Variants in GRTP1 observed in about 807,000 individuals in gnomAD.
GRTP1 encodes growth hormone-regulated TBC protein 1.
Under a neutral mutation model 38.1 loss-of-function variants are expected in GRTP1, and 56 were observed. The observed-to-expected ratio is 1.47, with a 90% CI of 1.19 to 1.84. The LOEUF (loss-of-function observed/expected upper bound fraction) is 1.84, where lower values mean the gene tolerates loss of function less well. Ranked by LOEUF, GRTP1 falls within the 40% of genes most tolerant of loss-of-function variation. The probability of loss-of-function intolerance (pLI) is 0.00; values close to 1 mark genes in which losing one functional copy is unlikely to be tolerated. For missense variants in GRTP1, 506 were observed against 453.9 expected (o/e 1.11, Z -1.04); for synonymous variants, 217 against 189.5 (o/e 1.14, Z -1.19).
intron 2 of GRTP1, among the ~76,000 whole-genome samples, chr13:113,356,486 T>C (rs1468732930): frequency 1.3e-5 from 2 of 152,166 alleles, no homozygotes; most frequent in African/African-American, 4.8e-5. Flanking sequence ...CAGGATGGTC[T>C]TGAACTCTTG....
At position 113,355,431 on chromosome 13, in the gene GRTP1, A is replaced by G; in HGVS notation, c.232T>C (p.Trp78Arg). 6.2e-7 allele frequency: 1 copy of G among 1,614,002 alleles called. No individual in the cohort carries two copies. Residue 78 changes from tryptophan (W) to arginine (R), a missense_variant, in exon 3 of 8, where the codon TGG becomes CGG. By Grantham distance (101) the Trp-to-Arg change is moderately radical (BLOSUM62 -3). Transcript: ENST00000375431. The stretch of plus-strand genomic sequence containing the variant: ...GCCTGGGCCCCACTCAGCACCATCC[A>G]GACGCGGGCACGGTGCTCCAGCGGG... ...GVPLEHRARV[W>R]MVLSGAQAQM...
chr13:113,350,245 G>A (rs1229465209), intron 4 of GRTP1, among the ~76,000 whole-genome samples: 3 of 152,132 alleles, frequency 2.0e-5, no homozygotes, highest in African/African-American at 4.8e-5. Flanking sequence ...GTTACTAACA[G>A]CAATGCCCTT....
chr13:113,363,955 T>TG (rs765202960), intron 1 of GRTP1, 45 bp from the exon 2 acceptor site: 7 of 1,580,172 alleles, frequency 4.4e-6, no homozygotes, highest in East Asian at 2.3e-5. Context: ...AAGTTTCCTC[T>TG]GGGGGGTCGC....
At chr13:113,357,220 A>G (rs12583654) in intron 2 of GRTP1, among the ~76,000 whole-genome samples, 20,576 of 151,064 alleles carry the variant, frequency 0.14, 1,558 homozygotes, top group African/African-American at 0.18. Flanking sequence ...CGAGGTGGGC[A>G]GATCACCTGA....
Position 113,345,824 on chromosome 13 carries a change from C to G in GRTP1, c.466-865G>C, listed in dbSNP as rs375883091. Among the ~76,000 whole-genome samples, 3 of 152,302 alleles carry G rather than the reference C, an allele frequency of 2.0e-5. No individual in the cohort carries two copies. The East Asian group carries it at 5.8e-4, about 29-fold the overall frequency. ...CCTGGACCTCCCCTTAAAAACAGAC[C>G]CTAAGAGTTTCACTCAAAAAGCAAA... On this transcript the variant is annotated intron_variant, in intron 4 of 7. Coordinates refer to ENST00000375431, the MANE Select transcript of GRTP1 (RefSeq NM_024719.4).
chr13:113,363,780 C>T lies in GRTP1; in HGVS notation c.163G>A (p.Val55Ile). ...GACCCACCTGTCCGGCTCCTGGGGA[C>T]GCCCCCGCCCTGCAGCAGCCGGGAC... is the stretch of plus-strand genomic sequence containing the variant. The part of the protein sequence containing the change: ...KWSRLLQGGG[V>I]PRSRTVKRYV... The change falls in exon 2 of 8, where the codon GTC (valine) becomes ATC (isoleucine). Residue 55 changes from valine to isoleucine, a missense_variant. Coordinates refer to ENST00000375431, the MANE Select transcript of GRTP1 (RefSeq NM_024719.4). The T allele has an allele frequency of 6.2e-7, 1 of 1,610,076 alleles. No homozygotes were observed. The highest frequency in any genetic ancestry group is 8.5e-7 in the Non-Finnish European group (1 of 1,178,920).
rs912186985 is a variant in GRTP1 at position 113,343,827 on chromosome 13, C to T, written c.562+1036G>A. 3.3e-5 allele frequency among the ~76,000 whole-genome samples: 5 copies of T among 152,124 alleles called. No individual in the cohort carries two copies. Among genetic ancestry groups the T allele is most frequent in the Non-Finnish European group, 5.9e-5 (4 of 68,012 alleles). ...TCTCCTCTGCCCTGCAGGATGAGCA[C>T]GCAGCCCCCTTGACCCAGCACCACA... is the stretch of plus-strand genomic sequence containing the variant. On this transcript the variant is annotated intron_variant, in intron 5 of 7. Transcript: ENST00000375431. This position sits in a 1 kb window ranked among gnomAD's most constrained non-coding sequence, Gnocchi z 4.8.
In GRTP1 at chr13:113,333,835, T is replaced by G. The variant is rs200029634; in HGVS notation, c.563-7744A>C. ...ATTTATTTATTTATTTATTTATTTA[T>G]TTAGTGTGTGTGTGTGTGTGTGTGT... On this transcript the variant is annotated intron_variant, in intron 5 of 7. Coordinates refer to ENST00000375431, the MANE Select transcript of GRTP1 (RefSeq NM_024719.4). Among the ~76,000 whole-genome samples, 828 of 93,472 alleles carry G rather than the reference T, an allele frequency of 8.9e-3. 3 individuals are homozygous for G. The highest frequency in any genetic ancestry group is 0.038 in the East Asian group (115 of 3,002). The allele number at this position is 93,472 out of a possible 152,430, so 61.3% of individuals were successfully genotyped here. A position where few individuals can be genotyped will look rare whatever the true frequency, so the allele number is the denominator to read the frequency against.
In GRTP1 at chr13:113,349,011, C is replaced by T; in HGVS notation, c.465+1838G>A. Reference sequence around the variant, plus strand: ...CAAAAGCCAGCTGTGCTCTGGCATTCTGTTAGTATGTAACATTGTGTTTGT... The same window carrying T: ...CAAAAGCCAGCTGTGCTCTGGCATTTTGTTAGTATGTAACATTGTGTTTGT... On this transcript the variant is annotated intron_variant, in intron 4 of 7. Coordinates refer to ENST00000375431, the MANE Select transcript of GRTP1 (RefSeq NM_024719.4). This position sits in a 1 kb window ranked among gnomAD's most constrained non-coding sequence, Gnocchi z 5.0. Among the ~76,000 whole-genome samples, 1 of 152,186 alleles carries T rather than the reference C, an allele frequency of 6.6e-6. No homozygotes were observed. The highest frequency in any genetic ancestry group is 6.5e-5 in the Admixed American group (1 of 15,280).
rs60572773 is a variant in GRTP1 at position 113,327,774 on chromosome 13, A to G, written c.563-1683T>C. Among the ~76,000 whole-genome samples, 1,672 of 152,304 alleles carry G rather than the reference A, an allele frequency of 0.011. 74 individuals are homozygous for G. The East Asian group carries it at 0.14, about 13-fold the overall frequency. ...GTTCCAGCTGGGGAGAGAGGGGTGA[A>G]GAACCATCAATCAGTGCCCACCCTG... On this transcript the variant is annotated intron_variant, in intron 5 of 7. Coordinates refer to ENST00000375431, the MANE Select transcript of GRTP1 (RefSeq NM_024719.4).
At chr13:113,363,527 C>A (rs2043538794) in intron 2 of GRTP1, among the ~76,000 whole-genome samples, 1 of 152,150 alleles carries the variant, frequency 6.6e-6, no homozygotes, top group South Asian at 2.1e-4. Flanking sequence ...TGATCCATCC[C>A]GATATGGCTC....
rs1200343078 is a variant in GRTP1 at position 113,346,089 on chromosome 13, A to AGG, written c.466-1131_466-1130insCC. On this transcript the variant is annotated intron_variant, in intron 4 of 7. Coordinates refer to ENST00000375431, the MANE Select transcript of GRTP1 (RefSeq NM_024719.4). ...ACCTCTGCGGCTGAGCAGACCTGGG[A>AGG]AGACATCTGTGGCCGAGAACAGACC... 4.1e-4 allele frequency among the ~76,000 whole-genome samples: 6 copies of AGG among 14,662 alleles called. 1 individual carries two copies. Among genetic ancestry groups the AGG allele is most frequent in the African/African-American group, 1.0e-3 (4 of 3,930 alleles). The allele number at this position is 14,662 out of a possible 152,430, so 9.6% of individuals were successfully genotyped here. A position where few individuals can be genotyped will look rare whatever the true frequency, so the allele number is the denominator to read the frequency against.
intron 2 of GRTP1, among the ~76,000 whole-genome samples, chr13:113,358,193 A>G (rs1029172525): frequency 6.6e-6 from 1 of 152,192 alleles, no homozygotes; most frequent in Non-Finnish European, 1.5e-5. Context: ...AAAAATAAAT[A>G]CATAAAAATA....
chr13:113,351,079 G>T, intron 3 of GRTP1, 106 bp from the exon 4 acceptor site: 1 of 1,474,968 alleles, frequency 6.8e-7, no homozygotes. Context: ...GGGACTTACG[G>T]ACTGGTTTTC....
intron 2 of GRTP1, chr13:113,361,663 A>C (rs1384860552): frequency 6.6e-6 from 1 of 152,138 alleles, no homozygotes; most frequent in Non-Finnish European, 1.5e-5. Context: ...TCTGCTCCTG[A>C]GGGGGACGGA....
At chr13:113,331,032 A>G (rs1011768350) in intron 5 of GRTP1, among the ~76,000 whole-genome samples, 63 of 148,670 alleles carry the variant, frequency 4.2e-4, no homozygotes, top group Non-Finnish European at 8.2e-4. Flanking sequence ...ATTGGAGCAC[A>G]GGTGTGTGCA....
rs1185532246 is a variant in GRTP1, at chr13:113,352,347, ATT to A, written c.341-1376_341-1375del. Among the ~76,000 whole-genome samples the A allele has an allele frequency of 1.2e-4, 14 of 114,078 alleles. No homozygotes were observed. In the East Asian group the frequency reaches 1.5e-3, roughly 13 times the overall value. 74.8% of individuals were successfully genotyped at this position (114,078 alleles called of 152,430 possible). On this transcript the variant is annotated intron_variant, in intron 3 of 7. Transcript: ENST00000375431. ...ATTTTTATATATATTTTATATATAT[ATT>A]TATATATATTTTATATATATATATA...
intron 4 of GRTP1, among the ~76,000 whole-genome samples, chr13:113,347,907 T>C (rs1555317903): frequency 6.8e-6 from 1 of 146,656 alleles, no homozygotes. Flanking sequence ...CGGGAGGACC[T>C]CTGTGGCCAA....
chr13:113,324,664 C>T, intron 7 of GRTP1, 87 bp from the exon 8 acceptor site: 1 of 1,514,002 alleles, frequency 6.6e-7, no homozygotes, highest in Non-Finnish European at 8.9e-7. Flanking sequence ...GCAGACAGGC[C>T]TCGTGTGAGG....
Sources: allele counts gnomAD v4.1 joint callset (sites outside exome capture counted in the v4.1 genomes callset), GRCh38; gene constraint gnomAD v4.1.1; non-coding constraint Gnocchi (gnomAD v3.1); transcripts MANE v1.5; gene names NCBI Gene and HGNC (gene_info 2026-07-23, HGNC 2026-07-21).